The following IFT74 variants were observed in gnomAD, a reference collection of about 807,000 sequenced individuals.
The protein encoded by IFT74 is intraflagellar transport protein 74 homolog.
A neutral mutation model predicts 96.7 loss-of-function variants in IFT74; 92 were observed. That is an observed-to-expected ratio of 0.95 (90% confidence interval 0.80 to 1.13). The LOEUF (loss-of-function observed/expected upper bound fraction) is 1.13. Ranked by LOEUF, IFT74 falls within the 50% of genes most tolerant of loss-of-function variation. The pLI is 0.00. For synonymous variants in IFT74, 223 were observed against 213.2 expected (o/e 1.05, Z -0.40); for missense variants, 811 against 698.2 (o/e 1.16, Z -1.82).
chr9:27,020,354 A>T (rs1829540898), intron 12 of IFT74, among the ~76,000 whole-genome samples: 2 of 149,434 alleles, frequency 1.3e-5, no homozygotes, highest in South Asian at 4.2e-4. Context: ...TAAGAAACTA[A>T]TTTTTTTTTT....
At chr9:27,039,047 C>A (rs1481580107) in intron 13 of IFT74, among the ~76,000 whole-genome samples, 9 of 152,180 alleles carry the variant, frequency 5.9e-5, no homozygotes, top group Admixed American at 5.9e-4. Context: ...TTCAAGTTAG[C>A]CTTGTGTTTC....
At chr9:27,046,762 C>A (rs901598505) in intron 14 of IFT74, among the ~76,000 whole-genome samples, 6 of 152,100 alleles carry the variant, frequency 3.9e-5, no homozygotes, top group Admixed American at 2.0e-4. Context: ...ATATTTATAA[C>A]TTTCTGATTT....
At chr9:26,997,027 A>G (rs989900285) in intron 8 of IFT74, among the ~76,000 whole-genome samples, 3 of 152,028 alleles carry the variant, frequency 2.0e-5, no homozygotes, top group Admixed American at 1.3e-4. Context: ...CCTGACAAAC[A>G]TGGAGGAAGC....
intron 8 of IFT74, among the ~76,000 whole-genome samples, chr9:26,996,722 C>T (rs1828178325): frequency 6.6e-6 from 1 of 152,008 alleles, no homozygotes; most frequent in African/African-American, 2.4e-5. Context: ...TTTAGTTTAT[C>T]TGTATTAGTG....
At chr9:27,019,111 T>C (rs1203068182) in intron 12 of IFT74, among the ~76,000 whole-genome samples, 1 of 152,014 alleles carries the variant, frequency 6.6e-6, no homozygotes. Flanking sequence ...CACACCACCA[T>C]ATCTGGCTAA....
chr9:26,963,085 T>A (rs1563935116), intron 2 of IFT74, among the ~76,000 whole-genome samples: 1 of 152,056 alleles, frequency 6.6e-6, no homozygotes, highest in Non-Finnish European at 1.5e-5. Context: ...ATTAGGTGTA[T>A]CTCCCGATGC....
chr9:27,045,313 G>T (rs1819655806), intron 14 of IFT74, among the ~76,000 whole-genome samples: 1 of 152,124 alleles, frequency 6.6e-6, no homozygotes, highest in African/African-American at 2.4e-5. Flanking sequence ...ACCCGCATCT[G>T]CCCCCAGCCC....
At position 27,044,810 on chromosome 9, in the gene IFT74, T is replaced by A. The variant is rs774290615; in HGVS notation, c.1108+15T>A. On this transcript the variant is annotated intron_variant, in intron 14 of 19. Coordinates refer to ENST00000380062, the MANE Select transcript of IFT74 (RefSeq NM_025103.4). ...ACATATGGACAGTAAGTGATATTCT[T>A]GTAGATATAAAAATATAATATTTTC... The A allele has an allele frequency of 7.2e-7, 1 of 1,398,460 alleles. No homozygotes were observed. Among genetic ancestry groups the A allele is most frequent in the South Asian group, 1.3e-5 (1 of 75,648 alleles). The allele number at this position is 1,398,460 out of a possible 1,614,324, so 86.6% of individuals were successfully genotyped here.
At chr9:26,948,448 A>ATTCTTTTTTTTTTTTT (rs1825819541) in intron 1 of IFT74, among the ~76,000 whole-genome samples, 1 of 59,162 alleles carries the variant, frequency 1.7e-5, no homozygotes. Context: ...GCTTTCCATT[A>ATTCTTTTTTTTTTTTT]TTTTTTTTTT....
chr9:27,034,713 AG>A (rs1361866663), intron 13 of IFT74, among the ~76,000 whole-genome samples: 20 of 152,156 alleles, frequency 1.3e-4, no homozygotes, highest in Admixed American at 7.2e-4. Context: ...TATTTTTAGT[AG>A]AGATGGGGTT....
chr9:27,038,501 A>G (rs1340308424), intron 13 of IFT74, among the ~76,000 whole-genome samples: 1 of 151,740 alleles, frequency 6.6e-6, no homozygotes, highest in Non-Finnish European at 1.5e-5. Context: ...CTGGTCTCAA[A>G]CTCCTGACCT....
At chr9:26,949,925 A>T (rs1825878575) in intron 1 of IFT74, among the ~76,000 whole-genome samples, 1 of 152,224 alleles carries the variant, frequency 6.6e-6, no homozygotes, top group African/African-American at 2.4e-5. Flanking sequence ...ATTAGGTTTC[A>T]CAATAGTGAT....
At chr9:26,995,350 T>C in intron 8 of IFT74, 1 of 539,742 alleles carries the variant, frequency 1.9e-6, no homozygotes, top group Non-Finnish European at 3.3e-6. Flanking sequence ...TTACTGTATT[T>C]GAACCTGCTT....
At chr9:26,965,842 A>T (rs1241908337) in intron 2 of IFT74, among the ~76,000 whole-genome samples, 1 of 151,974 alleles carries the variant, frequency 6.6e-6, no homozygotes, top group African/African-American at 2.4e-5. Context: ...GTCCGTATGT[A>T]CCCATTGTTT....
At chr9:26,957,793 G>T (rs1438608215) in intron 1 of IFT74, among the ~76,000 whole-genome samples, 1 of 151,364 alleles carries the variant, frequency 6.6e-6, no homozygotes, top group African/African-American at 2.4e-5. Flanking sequence ...CACACGCTTT[G>T]TTTGCCTTTT....
At chr9:26,977,169 G>T (rs12235490) in intron 2 of IFT74, among the ~76,000 whole-genome samples, 2 of 151,102 alleles carry the variant, frequency 1.3e-5, no homozygotes, top group East Asian at 1.9e-4. Context: ...TTTAAAAGAC[G>T]GTCTCTCTAT....
At chr9:26,949,132 A>T (rs577886456) in intron 1 of IFT74, among the ~76,000 whole-genome samples, 1 of 152,124 alleles carries the variant, frequency 6.6e-6, no homozygotes, top group Admixed American at 6.5e-5. Flanking sequence ...TATTATCAAG[A>T]CCTTTATTTT....
chr9:27,024,037 C>G (rs1312121631), intron 12 of IFT74, among the ~76,000 whole-genome samples: 1 of 152,200 alleles, frequency 6.6e-6, no homozygotes, highest in South Asian at 2.1e-4. Flanking sequence ...AAAGTGCCAC[C>G]TCCTAGCTGG....
chr9:27,062,756 C>G lies in IFT74; in HGVS notation c.*20C>G. ...AACTGAGTTTAAGTCCACTGAAAGTCTCTAAGGAAGTATCCTCTTGCTGCT... is the reference window on the plus strand; with the variant it reads ...AACTGAGTTTAAGTCCACTGAAAGTGTCTAAGGAAGTATCCTCTTGCTGCT... On this transcript the variant is annotated 3_prime_UTR_variant, in exon 20 of 20. Coordinates refer to ENST00000380062, the MANE Select transcript of IFT74 (RefSeq NM_025103.4). The G allele has an allele frequency of 7.8e-7, 1 of 1,283,650 alleles. No individual in the cohort carries two copies. Among genetic ancestry groups the G allele is most frequent in the Non-Finnish European group, 1.1e-6 (1 of 893,434 alleles). 79.5% of individuals were successfully genotyped at this position (1,283,650 alleles called of 1,614,324 possible).
Sources: allele counts gnomAD v4.1 joint callset (sites outside exome capture counted in the v4.1 genomes callset), GRCh38; gene constraint gnomAD v4.1.1; transcripts MANE v1.5; gene names NCBI Gene and HGNC (gene_info 2026-07-23, HGNC 2026-07-21).